The following ALOX5AP variants were observed in gnomAD, a reference collection of about 807,000 sequenced individuals.
ALOX5AP encodes the protein arachidonate 5-lipoxygenase-activating protein.
Under a neutral mutation model 18.5 loss-of-function variants are expected in ALOX5AP, and 9 were observed. The ratio of observed to expected loss-of-function variants is 0.49; its 90% CI spans 0.29 to 0.85. ALOX5AP has a LOEUF of 0.85. Ranked by LOEUF, ALOX5AP falls within the 40% of genes least tolerant of loss-of-function variation. The pLI is 0.08. For missense variants in ALOX5AP, 172 were observed against 202.5 expected, an observed-to-expected ratio of 0.85 and a Z score of 0.91; for synonymous variants, 81 against 78.6, an observed-to-expected ratio of 1.03 and a Z score of -0.16.
At position 30,758,905 on chromosome 13, in the gene ALOX5AP, C is replaced by T. The variant is rs575708252; in HGVS notation, c.323+2880C>T. 2.0e-5 allele frequency among the ~76,000 whole-genome samples: 3 copies of T among 152,258 alleles called. No homozygotes were observed. In the South Asian group the frequency reaches 6.2e-4, roughly 32 times the overall value. On this transcript the variant is annotated intron_variant, in intron 4 of 4. Transcript: ENST00000380490. ...TCTTGGCTCACTGCAACCTCCACCTCTTCCCAGGTTCAAGTGATTCTTATA... is the reference window on the plus strand; with the variant it reads ...TCTTGGCTCACTGCAACCTCCACCTTTTCCCAGGTTCAAGTGATTCTTATA...
intron 1 of ALOX5AP, among the ~76,000 whole-genome samples, chr13:30,736,623 TC>T (rs1015200698): frequency 6.6e-6 from 1 of 152,202 alleles, no homozygotes; most frequent in African/African-American, 2.4e-5. Context: ...TATTCTATTT[TC>T]CCCCATCTTG....
chr13:30,722,068 T>A (rs1263162052), intron 1 of ALOX5AP, among the ~76,000 whole-genome samples: 1 of 152,244 alleles, frequency 6.6e-6, no homozygotes, highest in African/African-American at 2.4e-5. Flanking sequence ...TCATCTTTTC[T>A]GAAGCTAGCA....
exon 1 of ALOX5AP, chr13:30,713,801 G>A: frequency 6.5e-7 from 1 of 1,535,656 alleles, no homozygotes; most frequent in Non-Finnish European, 8.7e-7. Context: ...GAAATCCTTT[G>A]GCACCTTGGG....
chr13:30,734,896 G>A (rs1040877592), upstream of ALOX5AP, among the ~76,000 whole-genome samples: 1 of 152,064 alleles, frequency 6.6e-6, no homozygotes, highest in African/African-American at 2.4e-5. Context: ...GCTACTTACC[G>A]TGTGTTAAGT....
In ALOX5AP at chr13:30,729,576, A is replaced by ATTT. The variant is rs10655622; in HGVS notation, c.117-5958_117-5956dup. 2.1e-3 allele frequency among the ~76,000 whole-genome samples: 292 copies of ATTT among 137,616 alleles called. 8 individuals are homozygous for ATTT. Among genetic ancestry groups the ATTT allele is most frequent in the Middle Eastern group, 7.6e-3 (2 of 262 alleles). The allele number at this position is 137,616 out of a possible 152,430, so 90.3% of individuals were successfully genotyped here. A position where few individuals can be genotyped will look rare whatever the true frequency, so the allele number is the denominator to read the frequency against. The stretch of plus-strand genomic sequence containing the variant: ...GCAAAGAAATCCATGTCTAACCTGT[A>ATTT]TTTTTTTTTTTTTTTTTTTAGATGG... On this transcript the variant is annotated intron_variant, in intron 1 of 5. Coordinates refer to the ALOX5AP transcript ENST00000617770.
chr13:30,720,825 A>G (rs1217247207), intron 1 of ALOX5AP, among the ~76,000 whole-genome samples: 1 of 152,226 alleles, frequency 6.6e-6, no homozygotes, highest in Non-Finnish European at 1.5e-5. Flanking sequence ...TAAAAGGCAG[A>G]AAAAGAAATC....
At chr13:30,718,402 T>C (rs940531059) in intron 1 of ALOX5AP, among the ~76,000 whole-genome samples, 4 of 139,920 alleles carry the variant, frequency 2.9e-5, no homozygotes, top group African/African-American at 1.1e-4. Flanking sequence ...TATATATATA[T>C]ATATGCATAT....
At chr13:30,737,125 C>T (rs1250662178) in intron 1 of ALOX5AP, among the ~76,000 whole-genome samples, 1 of 152,246 alleles carries the variant, frequency 6.6e-6, no homozygotes, top group East Asian at 1.9e-4. Context: ...TCCCCTGACA[C>T]CCATCAATAA....
intron 1 of ALOX5AP, among the ~76,000 whole-genome samples, chr13:30,726,254 A>G (rs1951638710): frequency 6.6e-6 from 1 of 152,154 alleles, no homozygotes; most frequent in East Asian, 1.9e-4. Context: ...ACCTAGGGTG[A>G]CTGATCCTAA....
chr13:30,758,548 T>C (rs1285696007), intron 4 of ALOX5AP, among the ~76,000 whole-genome samples: 1 of 152,172 alleles, frequency 6.6e-6, no homozygotes, highest in Admixed American at 6.5e-5. Context: ...CATTCCATAA[T>C]GAATGCCCCA....
intron 3 of ALOX5AP, among the ~76,000 whole-genome samples, chr13:30,755,236 G>T (rs932198213): frequency 6.6e-6 from 1 of 152,220 alleles, no homozygotes; most frequent in African/African-American, 2.4e-5. Context: ...AGAATGCAGA[G>T]GGAATGTCCT....
upstream of ALOX5AP, chr13:30,735,492 G>T: frequency 6.5e-7 from 1 of 1,530,408 alleles, no homozygotes; most frequent in Non-Finnish European, 8.8e-7. Flanking sequence ...TTGTGCCGGG[G>T]ATCTTCAGAA....
At chr13:30,759,637 G>C (rs1013185566) in intron 4 of ALOX5AP, among the ~76,000 whole-genome samples, 1 of 152,128 alleles carries the variant, frequency 6.6e-6, no homozygotes, top group African/African-American at 2.4e-5. Context: ...CTGATTCCTC[G>C]TTGTCATTTC....
In ALOX5AP at chr13:30,729,477, C is replaced by A. The variant is rs572808498; in HGVS notation, c.117-6074C>A. Among the ~76,000 whole-genome samples, 4 of 152,222 alleles carry A rather than the reference C, an allele frequency of 2.6e-5. No homozygotes were observed. The South Asian group carries it at 8.3e-4, about 32-fold the overall frequency. ...TTTAATCCTGTTAGAACTGAATGTTCCCAAGGCAGGCCATGCCCATGACTG... is the reference window on the plus strand; with the variant it reads ...TTTAATCCTGTTAGAACTGAATGTTACCAAGGCAGGCCATGCCCATGACTG... On this transcript the variant is annotated intron_variant, in intron 1 of 5. Transcript: ENST00000617770.
intron 1 of ALOX5AP, among the ~76,000 whole-genome samples, chr13:30,716,760 G>A (rs1398016943): frequency 6.6e-6 from 1 of 152,304 alleles, no homozygotes; most frequent in South Asian, 2.1e-4. Flanking sequence ...CCTGAGTTGT[G>A]ATAATTCGCT....
At chr13:30,744,031 A>G (rs199818248) in intron 1 of ALOX5AP, 29 bp from the exon 2 acceptor site, 2 of 1,590,402 alleles carry the variant, frequency 1.3e-6, no homozygotes, top group Non-Finnish European at 1.7e-6. Flanking sequence ...GCCCACAATG[A>G]ACCAGATGCA....
chr13:30,744,133 T>A lies in ALOX5AP; in HGVS notation c.144T>A (p.Leu48=), dbSNP rs1951789478. The A allele has an allele frequency of 1.9e-6, 3 of 1,613,758 alleles. No homozygotes were observed. The part of the protein sequence containing the change: ...NGRSFQRTGT[L]AFERVYTANQ... ...GGAGCTTCCAGAGGACCGGAACACT[T>A]GCCTTTGAGCGGGTCTACACTGCCA... The change falls in exon 2 of 5, where the codon CTT becomes CTA. Residue 48 remains leucine, a synonymous_variant. Coordinates refer to ENST00000380490, the MANE Select transcript of ALOX5AP (RefSeq NM_001629.4).
At chr13:30,743,082 A>G (rs1416452660) in intron 1 of ALOX5AP, among the ~76,000 whole-genome samples, 1 of 152,024 alleles carries the variant, frequency 6.6e-6, no homozygotes, top group African/African-American at 2.4e-5. Context: ...TTGCTCTCAG[A>G]CGGAACTAAG....
upstream of ALOX5AP, among the ~76,000 whole-genome samples, chr13:30,733,785 C>T (rs1429828186): frequency 6.6e-6 from 1 of 152,210 alleles, no homozygotes; most frequent in African/African-American, 2.4e-5. Context: ...CCCTCTTCTT[C>T]TTGAGCTGGG....
Sources: gnomAD v4.1 joint callset for allele counts (sites outside exome capture counted in the v4.1 genomes callset) on GRCh38, gnomAD v4.1.1 for gene constraint, MANE v1.5 for transcripts, NCBI Gene and HGNC (gene_info 2026-07-23, HGNC 2026-07-21) for gene names.